The following CTNND2 variants were observed in gnomAD, a reference collection of about 807,000 sequenced individuals.
The protein encoded by CTNND2 is catenin delta-2.
Under a neutral mutation model 144.4 loss-of-function variants are expected in CTNND2, and 22 were observed. That is an observed-to-expected ratio of 0.15 (90% confidence interval 0.11 to 0.22). The LOEUF is 0.22. Among genes scored for constraint, CTNND2 ranks in the 10% least tolerant of loss-of-function variants. The pLI, the probability that CTNND2 is intolerant of heterozygous loss-of-function variation, is 1.00. For synonymous variants in CTNND2, 751 were observed against 695.6 expected, an observed-to-expected ratio of 1.08 and a Z score of -1.25; for missense variants, 1,353 against 1,618.8, an observed-to-expected ratio of 0.84 and a Z score of 2.82.
intron 2 of CTNND2, among the ~76,000 whole-genome samples, chr5:11,642,185 C>G (rs1782101711): frequency 6.6e-6 from 1 of 152,006 alleles, no homozygotes; most frequent in Non-Finnish European, 1.5e-5. Context: ...ATATATTGAC[C>G]ACCTATTTAT....
intron 1 of CTNND2, among the ~76,000 whole-genome samples, chr5:11,826,333 G>C (rs914291464): frequency 1.3e-5 from 2 of 151,800 alleles, no homozygotes; most frequent in African/African-American, 4.8e-5. Flanking sequence ...ATAACTACTA[G>C]GTAAAAATAA....
At chr5:11,092,328 A>G (rs1750855713) in intron 15 of CTNND2, among the ~76,000 whole-genome samples, 1 of 152,238 alleles carries the variant, frequency 6.6e-6, no homozygotes, top group Non-Finnish European at 1.5e-5. Flanking sequence ...CTACAACTTT[A>G]AAGTTCTGTA....
At chr5:10,992,918 G>C (rs1262229778) in intron 18 of CTNND2, among the ~76,000 whole-genome samples, 2 of 152,078 alleles carry the variant, frequency 1.3e-5, no homozygotes, top group Admixed American at 6.5e-5. Context: ...TTGAATAAAT[G>C]GTCCCTTTAC....
intron 14 of CTNND2, among the ~76,000 whole-genome samples, chr5:11,099,021 G>A (rs781463849): frequency 6.6e-6 from 1 of 151,624 alleles, no homozygotes; most frequent in Non-Finnish European, 1.5e-5. Context: ...AGCTCTCCAA[G>A]AACGACTCTA....
At chr5:11,840,875 C>T (rs778384526) in intron 1 of CTNND2, among the ~76,000 whole-genome samples, 17 of 152,126 alleles carry the variant, frequency 1.1e-4, no homozygotes, top group Admixed American at 9.2e-4. Flanking sequence ...CACTTTTTAA[C>T]GGGCATATCT....
chr5:11,031,226 C>A (rs1205168856), intron 16 of CTNND2, among the ~76,000 whole-genome samples: 3 of 152,160 alleles, frequency 2.0e-5, no homozygotes, highest in Non-Finnish European at 4.4e-5. Flanking sequence ...GTATGTGCAA[C>A]AATGGCTGCT....
chr5:11,764,234 G>C (rs556769694), intron 1 of CTNND2, among the ~76,000 whole-genome samples: 90 of 152,248 alleles, frequency 5.9e-4, no homozygotes, highest in African/African-American at 2.2e-3. Flanking sequence ...GCAGGGAAAT[G>C]GGTTCTTCTC....
chr5:11,768,760 G>C (rs573376472), intron 1 of CTNND2, among the ~76,000 whole-genome samples: 2 of 152,122 alleles, frequency 1.3e-5, no homozygotes, highest in African/African-American at 4.8e-5. Context: ...TGCCACAGAC[G>C]AATCACTGAG....
intron 12 of CTNND2, among the ~76,000 whole-genome samples, chr5:11,122,785 C>T (rs968700147): frequency 2.1e-4 from 32 of 152,060 alleles, no homozygotes; most frequent in African/African-American, 7.7e-4. Flanking sequence ...TTAAGTGATA[C>T]AGAGAGTCCC....
chr5:11,765,418 G>T (rs1789526230), intron 1 of CTNND2, among the ~76,000 whole-genome samples: 1 of 152,154 alleles, frequency 6.6e-6, no homozygotes, highest in Admixed American at 6.5e-5. Flanking sequence ...GATCAGAGAA[G>T]GGGAGCAAAG....
intron 5 of CTNND2, among the ~76,000 whole-genome samples, chr5:11,398,816 T>G (rs2149818444): frequency 6.6e-6 from 1 of 152,292 alleles, no homozygotes; most frequent in South Asian, 2.1e-4. Context: ...AGGAAGTCTC[T>G]GAGGGGAGAT....
chr5:11,856,720 T>C (rs912057455), intron 1 of CTNND2, among the ~76,000 whole-genome samples: 3 of 152,178 alleles, frequency 2.0e-5, no homozygotes, highest in African/African-American at 7.2e-5. Context: ...TCGACATATA[T>C]GTGGTTTGTG....
chr5:11,527,418 G>A (rs1434666480), intron 3 of CTNND2, among the ~76,000 whole-genome samples: 1 of 152,082 alleles, frequency 6.6e-6, no homozygotes, highest in East Asian at 1.9e-4. Flanking sequence ...AGTCTCCACT[G>A]CATCCCGCAC....
rs545204294 is a variant in CTNND2 at position 11,181,716 on chromosome 5, G to A, written c.1975+17732C>T. Among the ~76,000 whole-genome samples the A allele has an allele frequency of 2.7e-5, 4 of 150,106 alleles. No individual in the cohort carries two copies. In the East Asian group the frequency reaches 7.9e-4, roughly 30 times the overall value. The stretch of plus-strand genomic sequence containing the variant: ...TGTGTGTGTGGTGTATGCGTGTGGT[G>A]TGTGTGTGTGTTATGTGTGGCATGT... On this transcript the variant is annotated intron_variant, in intron 11 of 21. Coordinates refer to ENST00000304623, the MANE Select transcript of CTNND2 (RefSeq NM_001332.4).
At chr5:11,541,505 T>C (rs1205334754) in intron 3 of CTNND2, among the ~76,000 whole-genome samples, 1 of 152,154 alleles carries the variant, frequency 6.6e-6, no homozygotes, top group Non-Finnish European at 1.5e-5. Context: ...AGAACACATT[T>C]TCTAAATTAA....
intron 9 of CTNND2, among the ~76,000 whole-genome samples, chr5:11,260,522 A>G (rs1192018173): frequency 6.6e-6 from 1 of 152,212 alleles, no homozygotes; most frequent in African/African-American, 2.4e-5. Flanking sequence ...CAATGTCCTA[A>G]TCTGTTTTAT....
chr5:11,497,247 C>T (rs1770043074), intron 3 of CTNND2, among the ~76,000 whole-genome samples: 1 of 151,290 alleles, frequency 6.6e-6, no homozygotes, highest in South Asian at 2.1e-4. Flanking sequence ...TAATACCATA[C>T]CAGGTATTTC....
chr5:11,437,655 A>T (rs776425856), intron 3 of CTNND2, among the ~76,000 whole-genome samples: 2 of 152,108 alleles, frequency 1.3e-5, no homozygotes, highest in Non-Finnish European at 2.9e-5. Context: ...GAACCCAAAG[A>T]GTAAGTTTGG....
At chr5:11,612,915 A>G (rs1780404167) in intron 2 of CTNND2, among the ~76,000 whole-genome samples, 1 of 152,188 alleles carries the variant, frequency 6.6e-6, no homozygotes, top group Non-Finnish European at 1.5e-5. Context: ...AAATAAATAA[A>G]TAAAATAAAA....
Sources: gnomAD v4.1 joint callset for allele counts (sites outside exome capture counted in the v4.1 genomes callset) on GRCh38, gnomAD v4.1.1 for gene constraint, MANE v1.5 for transcripts, NCBI Gene and HGNC (gene_info 2026-07-23, HGNC 2026-07-21) for gene names.